RIMOC1: variants seen among roughly 807,000 people sequenced by gnomAD.
RIMOC1 encodes RAB7A-interacting MON1-CCZ1 complex subunit 1.
At chr5:41,911,238 G>A in the RIMOC1 span, 1 of 1,529,892 alleles carries the variant, frequency 6.5e-7, no homozygotes. Flanking sequence ...TCAAAAAGCT[G>A]TCTTTGTTGT....
the RIMOC1 span, among the ~76,000 whole-genome samples, chr5:41,907,400 A>G: frequency 2.6e-5 from 4 of 152,134 alleles, no homozygotes; most frequent in African/African-American, 7.2e-5. Flanking sequence ...TGTATATTCC[A>G]GTAAGTTTTA....
At chr5:41,916,389 A>G in the RIMOC1 span, 2 of 909,886 alleles carry the variant, frequency 2.2e-6, no homozygotes, top group Non-Finnish European at 2.6e-6. Flanking sequence ...AAAACTACCC[A>G]TAAGAAGAAA....
chr5:41,911,069 G>T, the RIMOC1 span: 2 of 1,609,512 alleles, frequency 1.2e-6, no homozygotes, highest in Non-Finnish European at 1.7e-6. Context: ...GCTTGGGGAT[G>T]AGCTACTGGA....
At chr5:41,919,752 A>G in the RIMOC1 span, 2 of 152,104 alleles carry the variant, frequency 1.3e-5, no homozygotes, top group African/African-American at 2.4e-5. Flanking sequence ...AGCTTCAGTG[A>G]TTCTGTTTTC....
At chr5:41,906,696 G>C in the RIMOC1 span, among the ~76,000 whole-genome samples, 1 of 152,096 alleles carries the variant, frequency 6.6e-6, no homozygotes, top group East Asian at 1.9e-4. Context: ...GCAATCTCAG[G>C]CTTTACCTGA....
the RIMOC1 span, among the ~76,000 whole-genome samples, chr5:41,915,722 C>T: frequency 6.6e-6 from 1 of 152,256 alleles, no homozygotes; most frequent in South Asian, 2.1e-4. Flanking sequence ...GGGAAACCGC[C>T]TCCATGATTC....
the RIMOC1 span, chr5:41,918,800 C>T: frequency 3.8e-5 from 37 of 965,300 alleles, no homozygotes; most frequent in African/African-American, 6.2e-4. Flanking sequence ...AAAATTGAGA[C>T]TATGAAGAGG....
chr5:41,912,323 A>G, the RIMOC1 span: 302 of 579,818 alleles, frequency 5.2e-4, 1 homozygote, highest in Non-Finnish European at 7.9e-4. Context: ...AAGGGTTTAT[A>G]TAAAATTCAA....
chr5:41,916,330 A>C, the RIMOC1 span: 2 of 788,320 alleles, frequency 2.5e-6, no homozygotes, highest in African/African-American at 1.9e-5. Context: ...CTGCCAAATT[A>C]ATATACTTTA....
chr5:41,909,871 G>A, the RIMOC1 span: 1 of 1,579,052 alleles, frequency 6.3e-7, no homozygotes, highest in Non-Finnish European at 8.6e-7. Flanking sequence ...TTTTAGTAAA[G>A]GAAAATAATA....
At chr5:41,921,594 T>C in the RIMOC1 span, 18 of 152,300 alleles carry the variant, frequency 1.2e-4, 1 homozygote, top group South Asian at 3.7e-3. Context: ...TAAACTGTTA[T>C]TGAGCATATA....
the RIMOC1 span, chr5:41,916,454 C>G: frequency 1.0e-6 from 1 of 965,716 alleles, no homozygotes; most frequent in African/African-American, 1.8e-5. Context: ...TCTGGTAATA[C>G]AAAGCATCTT....
At chr5:41,913,192 T>C in the RIMOC1 span, among the ~76,000 whole-genome samples, 1 of 152,224 alleles carries the variant, frequency 6.6e-6, no homozygotes, top group Non-Finnish European at 1.5e-5. Flanking sequence ...TAGACCATCA[T>C]TCTCAGAAGT....
the RIMOC1 span, among the ~76,000 whole-genome samples, chr5:41,912,975 C>T: frequency 6.6e-6 from 1 of 152,186 alleles, no homozygotes; most frequent in African/African-American, 2.4e-5. Flanking sequence ...CTCCATTCTT[C>T]TTTAAAACCA....
chr5:41,904,902 T>G, the RIMOC1 span, among the ~76,000 whole-genome samples: 4 of 152,246 alleles, frequency 2.6e-5, no homozygotes, highest in African/African-American at 7.2e-5. Context: ...ATTTGCGTTT[T>G]ACGTTTTGGA....
chr5:41,911,809 T>C, the RIMOC1 span, among the ~76,000 whole-genome samples: 30 of 152,316 alleles, frequency 2.0e-4, no homozygotes, highest in South Asian at 6.2e-4. Flanking sequence ...TTAACAAGTA[T>C]ATTACTGAAA....
At chr5:41,917,599 C>CTT in the RIMOC1 span, 1 of 882,004 alleles carries the variant, frequency 1.1e-6, no homozygotes, top group South Asian at 5.5e-5. Context: ...TTTTCTATTA[C>CTT]TTTTTTTTTT....
the RIMOC1 span, chr5:41,918,254 C>T: frequency 3.0e-6 from 3 of 985,862 alleles, no homozygotes; most frequent in South Asian, 1.4e-4. Flanking sequence ...TTGAATGTCA[C>T]CACCTTGAGT....
chr5:41,907,800 A>G, the RIMOC1 span: 1 of 1,609,810 alleles, frequency 6.2e-7, no homozygotes, highest in Non-Finnish European at 8.5e-7. Context: ...GAGAAGAGAA[A>G]GAATGTTCAA....
Sources: gnomAD v4.1 joint callset for allele counts (sites outside exome capture counted in the v4.1 genomes callset) on GRCh38, gnomAD v4.1.1 for gene constraint, MANE v1.5 for transcripts, NCBI Gene and HGNC (gene_info 2026-07-23, HGNC 2026-07-21) for gene names.